PLXNB3: variants seen among roughly 807,000 people sequenced by gnomAD.
The protein encoded by PLXNB3 is plexin B3, also known as plexin-B3.
Under a neutral mutation model 125.7 loss-of-function variants are expected in PLXNB3, and 80 were observed. The observed-to-expected ratio is 0.64, with a 90% CI of 0.53 to 0.77. The LOEUF (loss-of-function observed/expected upper bound fraction) is 0.77. PLXNB3 is among the 30% of genes least tolerant of loss of function. PLXNB3 has a pLI of 0.00. For synonymous variants in PLXNB3, 954 were observed against 783.3 expected, an observed-to-expected ratio of 1.22 and a Z score of -3.64; for missense variants, 1,836 against 1,729.3, an observed-to-expected ratio of 1.06 and a Z score of -1.09.
In PLXNB3 at chrX:153,778,321, G is replaced by C; in HGVS notation, c.5470G>C (p.Glu1824Gln). ...REIPRYKQMV[E>Q]RYYADIRQSS... is the part of the protein sequence containing the mutation. ...GATCCCACGCTACAAGCAGATGGTGGAGAGGTGGGTGTCAGAGGCATCGGG... is the reference window on the plus strand; with the variant it reads ...GATCCCACGCTACAAGCAGATGGTGCAGAGGTGGGTGTCAGAGGCATCGGG... The change falls in exon 33 of 36, where the codon GAG becomes CAG. Residue 1824 changes from glutamate to glutamine, a missense_variant. By Grantham distance (29) the Glu-to-Gln change is conservative. Coordinates refer to ENST00000361971, the MANE Select transcript of PLXNB3 (RefSeq NM_005393.3). The C allele has an allele frequency of 8.3e-7, 1 of 1,206,285 alleles. No individual in the cohort carries two copies. Among genetic ancestry groups the C allele is most frequent in the African/African-American group, 1.7e-5 (1 of 57,772 alleles).
At position 153,774,129 on chromosome X, in the gene PLXNB3, C is replaced by CG. The variant is rs782172346; in HGVS notation, c.3519+33dup. On this transcript the variant is annotated intron_variant, in intron 20 of 35. Transcript: ENST00000361971. ...GGCCACCTTCAACCCTGCCCCGCCA[C>CG]GGTGCTCAGGCCGCCTCTGTGGGGG... 7 of 1,196,557 alleles carry CG rather than the reference C, an allele frequency of 5.9e-6. No homozygotes were observed. In the African/African-American group the frequency reaches 1.2e-4, roughly 21 times the overall value.
intron 26 of PLXNB3, 72 bp from the exon 27 acceptor site, chrX:153,775,815 G>T: frequency 8.9e-7 from 1 of 1,124,177 alleles, no homozygotes; most frequent in Non-Finnish European, 1.2e-6. Flanking sequence ...GGCTGGAGAC[G>T]AGGCAGAGGC....
rs150718459 is a variant in PLXNB3, at chrX:153,768,959, C to T, written c.1278C>T (p.His426=). 86 of 1,209,513 alleles carry T rather than the reference C, an allele frequency of 7.1e-5. No homozygotes were observed. Among genetic ancestry groups the T allele is most frequent in the South Asian group, 2.3e-4 (13 of 56,642 alleles). ...GTCCCCCCACTCAGGTCTTTCTCCA[C>T]GGCTCCCAGGGCCAGGTTTACCACT... ...TQGQLYKVFL[H]GSQGQVYHSQ... Residue 426 remains histidine (H), a synonymous_variant, in exon 5 of 36, where the codon CAC becomes CAT. Coordinates refer to ENST00000361971, the MANE Select transcript of PLXNB3 (RefSeq NM_005393.3).
intron 35 of PLXNB3, 92 bp downstream of exon 35, chrX:153,778,766 G>A (rs1258526426): frequency 3.6e-6 from 4 of 1,122,407 alleles, no homozygotes; most frequent in East Asian, 6.5e-5. Flanking sequence ...CCATGCTGGC[G>A]GGGCCCAGGC....
chrX:153,769,710 C>G, intron 6 of PLXNB3, 97 bp from the exon 7 acceptor site: 3 of 929,955 alleles, frequency 3.2e-6, no homozygotes, highest in Non-Finnish European at 4.4e-6. Flanking sequence ...TTGCACCCCA[C>G]TGCACTCCAG....
chrX:153,765,518 G>A lies in PLXNB3; in HGVS notation c.-18G>A. On this transcript the variant is annotated 5_prime_UTR_variant, in exon 2 of 36. Transcript: ENST00000361971. ...CTCATGCCCATCGCCACTGCCCTGG[G>A]GCAGCTGAACTGAGCGTATGTGCCA... 1 of 1,188,303 alleles carries A rather than the reference G, an allele frequency of 8.4e-7. No individual in the cohort carries two copies. The highest frequency in any genetic ancestry group is 1.1e-6 in the Non-Finnish European group (1 of 883,757).
Position 153,775,600 on chromosome X carries a change from G to A in PLXNB3, c.4341G>A (p.Glu1447=), listed in dbSNP as rs782278086. The A allele has an allele frequency of 1.7e-6, 2 of 1,210,776 alleles. No homozygotes were observed. The highest frequency in any genetic ancestry group is 3.4e-5 in the African/African-American group (2 of 57,988). ...RNPKLMLRRT[E]TMVEKLLTNW... is the part of the protein sequence containing the mutation. ...TGTGGCCGGCTCCCCGCAGGACAGA[G>A]ACCATGGTGGAGAAACTGCTCACCA... Residue 1447 remains glutamate, a synonymous_variant, in exon 26 of 36, where the codon GAG becomes GAA. Transcript: ENST00000361971.
intron 2 of PLXNB3, 57 bp from the exon 3 acceptor site, chrX:153,766,816 C>T: frequency 8.9e-7 from 1 of 1,122,389 alleles, no homozygotes; most frequent in Non-Finnish European, 1.2e-6. Context: ...CTTCCACCTT[C>T]CTCTGGTCCT....
At chrX:153,777,892 C>A in intron 31 of PLXNB3, 56 bp from the exon 32 acceptor site, 5 of 1,161,136 alleles carry the variant, frequency 4.3e-6, no homozygotes, top group Non-Finnish European at 5.8e-6. Flanking sequence ...GTACATGGGG[C>A]GGAGATCACG....
rs2091981170 is a variant in PLXNB3 at position 153,775,954 on chromosome X, T to C, written c.4469T>C (p.Val1490Ala). Residue 1490 changes from valine (V) to alanine (A), a missense_variant, in exon 27 of 36, where the codon GTG becomes GCG. Coordinates refer to ENST00000361971, the MANE Select transcript of PLXNB3 (RefSeq NM_005393.3). ...AIQYQVDKGP[V>A]DAVTGKAKRT... ...CAGTACCAGGTGGACAAAGGCCCCG[T>C]GGACGCCGTGACAGGCAAGGCCAAA... 4 of 1,211,133 alleles carry C rather than the reference T, an allele frequency of 3.3e-6. No homozygotes were observed. The highest frequency in any genetic ancestry group is 4.5e-6 in the Non-Finnish European group (4 of 895,441).
intron 25 of PLXNB3, 29 bp from the exon 26 acceptor site, chrX:153,775,565 G>T: frequency 8.3e-7 from 1 of 1,198,796 alleles, no homozygotes; most frequent in South Asian, 1.8e-5. Context: ...CAGGCACAAA[G>T]GCCTGACCCT....
At chrX:153,770,032 T>C (rs1207147512) in intron 7 of PLXNB3, 60 bp from the exon 8 acceptor site, 4 of 1,191,220 alleles carry the variant, frequency 3.4e-6, no homozygotes, top group African/African-American at 1.7e-5. Context: ...TCCTCTCCCA[T>C]GGCCTCTGCT....
Position 153,777,949 on chromosome X carries a change from C to A in PLXNB3, c.5263C>A (p.Leu1755Met). The A allele has an allele frequency of 8.3e-7, 1 of 1,206,356 alleles. No homozygotes were observed. The highest frequency in any genetic ancestry group is 1.1e-6 in the Non-Finnish European group (1 of 892,195). ...CCCACGCCTGCCCTGCGCCCCCAGTCTGCTGCTGCGGTTCTGGGTGAATGC... is the reference window on the plus strand; with the variant it reads ...CCCACGCCTGCCCTGCGCCCCCAGTATGCTGCTGCGGTTCTGGGTGAATGC... ...GTLHIWKTNS[L>M]LLRFWVNALK... Residue 1755 changes from leucine to methionine, a missense_variant and splice_region_variant, in exon 32 of 36, where the codon CTG becomes ATG. Coordinates refer to ENST00000361971, the MANE Select transcript of PLXNB3 (RefSeq NM_005393.3).
In PLXNB3 at chrX:153,772,754, T is replaced by A; in HGVS notation, c.2776-132T>A. 5 of 1,036,599 alleles carry A rather than the reference T, an allele frequency of 4.8e-6. No individual in the cohort carries two copies. The South Asian group carries it at 1.5e-4, about 31-fold the overall frequency. The allele number at this position is 1,036,599 out of a possible 1,213,427, so 85.4% of individuals were successfully genotyped here. On this transcript the variant is annotated intron_variant, in intron 16 of 35. Coordinates refer to ENST00000361971, the MANE Select transcript of PLXNB3 (RefSeq NM_005393.3). The stretch of plus-strand genomic sequence containing the variant: ...AGTGGCCTCGGGAAGGAGGGCGTGG[T>A]CCACTTTGGCCCCAGGAGGTGAAGT...
intron 6 of PLXNB3, 33 bp from the exon 7 acceptor site, chrX:153,769,774 C>CGG: frequency 8.4e-7 from 1 of 1,189,190 alleles, no homozygotes; most frequent in Non-Finnish European, 1.1e-6. Context: ...GTCTAGGACC[C>CGG]CCACGGTGAC....
chrX:153,771,828 CG>C, intron 14 of PLXNB3, 35 bp from the exon 15 acceptor site: 1 of 1,192,481 alleles, frequency 8.4e-7, no homozygotes. Flanking sequence ...AGCGTGGGTG[CG>C]GGGGACCCCA....
Position 153,773,943 on chromosome X carries a change from G to A in PLXNB3, c.3364G>A (p.Val1122Ile). ...AVPDRAHPQRVFFTLDNVQVD... is the reference protein window; with the variant it reads ...AVPDRAHPQRIFFTLDNVQVD... ...ACCAGACAGAGCCCACCCGCAGCGGGTCTTCTTCACCCTAGACAACGTGCA... is the reference window on the plus strand; with the variant it reads ...ACCAGACAGAGCCCACCCGCAGCGGATCTTCTTCACCCTAGACAACGTGCA... Residue 1122 changes from valine to isoleucine, a missense_variant, in exon 20 of 36, where the codon GTC becomes ATC. Coordinates refer to ENST00000361971, the MANE Select transcript of PLXNB3 (RefSeq NM_005393.3). 4 of 1,211,088 alleles carry A rather than the reference G, an allele frequency of 3.3e-6. No individual in the cohort carries two copies. The highest frequency in any genetic ancestry group is 3.0e-5 in the East Asian group (1 of 33,854).
chrX:153,772,123 G>A, intron 15 of PLXNB3, 59 bp from the exon 16 acceptor site: 2 of 1,138,430 alleles, frequency 1.8e-6, no homozygotes, highest in Non-Finnish European at 2.4e-6. Flanking sequence ...GTCAGGGGAG[G>A]GGTGGGCTGT....
chrX:153,769,395 C>T (rs1326266257), intron 6 of PLXNB3, 133 bp downstream of exon 6: 2 of 503,848 alleles, frequency 4.0e-6, no homozygotes, highest in Non-Finnish European at 6.6e-6. Context: ...CCACGGAGGT[C>T]ACCCATCCTG....
Sources: allele counts gnomAD v4.1 joint callset, GRCh38; gene constraint gnomAD v4.1.1; transcripts MANE v1.5; gene names NCBI Gene and HGNC (gene_info 2026-07-23, HGNC 2026-07-21).